ACSS1: variants seen among roughly 807,000 people sequenced by gnomAD.
ACSS1 encodes the protein acyl-CoA synthetase short chain family member 1.
Under a neutral mutation model 75.3 loss-of-function variants are expected in ACSS1, and 42 were observed. The ratio of observed to expected loss-of-function variants is 0.56; its 90% confidence interval spans 0.44 to 0.72. The LOEUF (loss-of-function observed/expected upper bound fraction) is 0.72, where lower values mean the gene tolerates loss of function less well. ACSS1 is among the 30% of genes least tolerant of loss of function. ACSS1 has a pLI of 0.00. For synonymous variants in ACSS1, 380 were observed against 376.8 expected (o/e 1.01, Z -0.10); for missense variants, 782 against 935.7 (o/e 0.84, Z 2.14).
chr20:25,032,585 C>G, intron 2 of ACSS1: 1 of 1,242,884 alleles, frequency 8.0e-7, no homozygotes, highest in Non-Finnish European at 1.0e-6. Context: ...GGGCAGACCA[C>G]CAGCCCGCGA....
In ACSS1 at chr20:25,015,187, C is replaced by T. The variant is rs1442975683; in HGVS notation, c.1290G>A (p.Arg430=). 6.2e-7 allele frequency: 1 copy of T among 1,613,160 alleles called. No individual in the cohort carries two copies. The highest frequency in any genetic ancestry group is 1.7e-5 in the Admixed American group (1 of 59,976). Residue 430 remains arginine, a synonymous_variant, in exon 8 of 14, where the codon AGG becomes AGA. Coordinates refer to ENST00000323482, the MANE Select transcript of ACSS1 (RefSeq NM_032501.4). ...INCEAWEWLH[R]VVGDSRCTLV... is the part of the protein sequence containing the mutation. ...GCGTGCACCTGCTGTCCCCCACCACCCTGTGAAGCCACTCCCAGGCCTCAC... is the reference window on the plus strand; with the variant it reads ...GCGTGCACCTGCTGTCCCCCACCACTCTGTGAAGCCACTCCCAGGCCTCAC...
chr20:25,040,323 T>C (rs1231768859), intron 2 of ACSS1, among the ~76,000 whole-genome samples: 3 of 152,130 alleles, frequency 2.0e-5, no homozygotes, highest in African/African-American at 4.8e-5. Context: ...TGGACGCAGG[T>C]TGGGGGTCCT....
At chr20:25,053,841 AC>A (rs1477782586) in intron 1 of ACSS1, among the ~76,000 whole-genome samples, 1 of 152,232 alleles carries the variant, frequency 6.6e-6, no homozygotes. Context: ...ACACTGAAAA[AC>A]ATCACTTAAA....
rs1451595971 is a variant in ACSS1, at chr20:25,015,129, C to A, written c.1339+9G>T. 2.5e-6 allele frequency: 4 copies of A among 1,605,728 alleles called. No individual in the cohort carries two copies. Among genetic ancestry groups the A allele is most frequent in the African/African-American group, 2.7e-5 (2 of 74,664 alleles). ...CTTAGACCGGAACCTGTTCCCCAGGCCTCCTCACCTGTCTGCCACCAGGTG... is the reference window on the plus strand; with the variant it reads ...CTTAGACCGGAACCTGTTCCCCAGGACTCCTCACCTGTCTGCCACCAGGTG... On this transcript the variant is annotated intron_variant, in intron 8 of 13. Transcript: ENST00000323482.
At chr20:25,030,717 G>A (rs762788700) in intron 3 of ACSS1, 42 bp downstream of exon 3, 32 of 1,607,392 alleles carry the variant, frequency 2.0e-5, no homozygotes, top group Non-Finnish European at 2.6e-5. Flanking sequence ...ACAAGGATCA[G>A]GGAACTCCAG....
Position 25,023,053 on chromosome 20 carries a change from T to C in ACSS1, c.847A>G (p.Met283Val). The change falls in exon 5 of 14, where the codon ATG becomes GTG. Residue 283 changes from methionine (M) to valine (V), a missense_variant. Coordinates refer to ENST00000323482, the MANE Select transcript of ACSS1 (RefSeq NM_032501.4). ...KEDPVCAPES[M>V]GSEDMLFMLY... is the part of the protein sequence containing the mutation. Reference sequence around the variant, plus strand: ...ATGAAGAGCATGTCCTCACTGCCCATGCTCTCTGGGGCGCAAACAGGGTCC... The same window carrying C: ...ATGAAGAGCATGTCCTCACTGCCCACGCTCTCTGGGGCGCAAACAGGGTCC... 1 of 1,614,014 alleles carries C rather than the reference T, an allele frequency of 6.2e-7. No individual in the cohort carries two copies. The highest frequency in any genetic ancestry group is 2.2e-5 in the East Asian group (1 of 44,878).
rs546433573 is a variant in ACSS1 at position 25,038,895 on chromosome 20, G to A, written c.432-7937C>T. 1.8e-3 allele frequency among the ~76,000 whole-genome samples: 273 copies of A among 152,212 alleles called. 1 individual carries two copies. The highest frequency in any genetic ancestry group is 2.3e-3 in the Non-Finnish European group (153 of 67,996). On this transcript the variant is annotated intron_variant, in intron 2 of 13. Coordinates refer to ENST00000323482, the MANE Select transcript of ACSS1 (RefSeq NM_032501.4). ...CACTGCCCCCCTGCTGGCTACCCAA[G>A]CTTCTCCAGCCATGATTGCCTGCCA...
chr20:25,034,889 T>G (rs535111605), intron 2 of ACSS1, among the ~76,000 whole-genome samples: 1 of 147,738 alleles, frequency 6.8e-6, no homozygotes, highest in East Asian at 2.1e-4. Flanking sequence ...GGATTTTTTG[T>G]TTTTTGTTTT....
At chr20:25,021,777 A>G (rs924373892) in intron 5 of ACSS1, among the ~76,000 whole-genome samples, 6 of 152,186 alleles carry the variant, frequency 3.9e-5, no homozygotes, top group Non-Finnish European at 8.8e-5. Context: ...CCCCTTAAGA[A>G]CTACAAAAAA....
At chr20:25,024,734 C>G (rs945067590) in intron 3 of ACSS1, among the ~76,000 whole-genome samples, 2 of 152,212 alleles carry the variant, frequency 1.3e-5, no homozygotes, top group Admixed American at 6.5e-5. Context: ...GAGAGTCCTA[C>G]CTAAATAAAT....
Position 25,023,539 on chromosome 20 carries a change from A to G in ACSS1, c.734T>C (p.Val245Ala). The G allele has an allele frequency of 1.2e-6, 2 of 1,614,152 alleles. No homozygotes were observed. The highest frequency in any genetic ancestry group is 1.7e-6 in the Non-Finnish European group (2 of 1,180,032). The change falls in exon 4 of 14, where the codon GTG (valine) becomes GCG (alanine). Residue 245 changes from valine to alanine, a missense_variant. Transcript: ENST00000323482. ...VDEAVKHCPTVQHVLVAHRTD... is the reference protein window; with the variant it reads ...VDEAVKHCPTAQHVLVAHRTD... ...CCTGTGAGCCACCAGGACATGCTGC[A>G]CGGTGGGGCAGTGCTTCACAGCCTC...
intron 2 of ACSS1, among the ~76,000 whole-genome samples, chr20:25,034,524 C>T (rs2088877268): frequency 6.6e-6 from 1 of 152,090 alleles, no homozygotes; most frequent in Non-Finnish European, 1.5e-5. Context: ...GGTGCCTGCC[C>T]AGAGCTGAAT....
intron 1 of ACSS1, among the ~76,000 whole-genome samples, chr20:25,057,318 G>A (rs1024897693): frequency 2.0e-5 from 3 of 152,230 alleles, no homozygotes; most frequent in African/African-American, 2.4e-5. Context: ...CCCGGGCACC[G>A]CAGCCCGCAG....
chr20:25,038,060 G>A (rs1054878351), intron 2 of ACSS1, among the ~76,000 whole-genome samples: 1 of 152,196 alleles, frequency 6.6e-6, no homozygotes, highest in Admixed American at 6.5e-5. Flanking sequence ...GAACATGAAT[G>A]GTCCCCTGGG....
At chr20:25,034,498 AC>A (rs1181594784) in intron 2 of ACSS1, among the ~76,000 whole-genome samples, 1 of 151,286 alleles carries the variant, frequency 6.6e-6, no homozygotes, top group Non-Finnish European at 1.5e-5. Flanking sequence ...TTCCAAATGG[AC>A]CCCCACATTC....
At chr20:25,039,087 T>G (rs2122718409) in intron 2 of ACSS1, among the ~76,000 whole-genome samples, 1 of 152,286 alleles carries the variant, frequency 6.6e-6, no homozygotes, top group South Asian at 2.1e-4. Context: ...AAGTATCCTG[T>G]ACCCAGGGCT....
chr20:25,037,863 G>A (rs2088939967), intron 2 of ACSS1, among the ~76,000 whole-genome samples: 1 of 152,180 alleles, frequency 6.6e-6, no homozygotes, highest in South Asian at 2.1e-4. Flanking sequence ...TGACATTACT[G>A]TAGCCACTGA....
intron 5 of ACSS1, among the ~76,000 whole-genome samples, chr20:25,021,773 A>T (rs1370697668): frequency 6.6e-6 from 1 of 152,200 alleles, no homozygotes; most frequent in South Asian, 2.1e-4. Context: ...TAAACCCCTT[A>T]AGAACTACAA....
chr20:25,012,623 G>C lies in ACSS1; in HGVS notation c.1749C>G (p.Tyr583Ter), dbSNP rs758117687. 6.2e-7 allele frequency: 1 copy of C among 1,613,708 alleles called. No homozygotes were observed. Among genetic ancestry groups the C allele is most frequent in the Admixed American group, 1.7e-5 (1 of 59,996 alleles). Reference sequence around the variant, plus strand: ...CACCTTCTCCTTTGATGTCGTGGGGGTAGCCAATGACAGCACTTTCTGGTA... The same window carrying C: ...CACCTTCTCCTTTGATGTCGTGGGGCTAGCCAATGACAGCACTTTCTGGTA... ...PAVPESAVIG[Y>*]PHDIKGEAAF... The change falls in exon 12 of 14, where the codon TAC (tyrosine) becomes TAG (stop). Residue 583 changes from tyrosine (Y) to a stop codon, truncating the protein, a stop_gained. Transcript: ENST00000323482. LOFTEE classifies it high-confidence loss of function.
Sources: allele counts gnomAD v4.1 joint callset (sites outside exome capture counted in the v4.1 genomes callset), GRCh38; gene constraint gnomAD v4.1.1; transcripts MANE v1.5; gene names NCBI Gene and HGNC (gene_info 2026-07-23, HGNC 2026-07-21).